LRRC34: variants seen among roughly 807,000 people sequenced by gnomAD.
The protein encoded by LRRC34 is leucine rich repeat containing 34.
Under a neutral mutation model 48.5 loss-of-function variants are expected in LRRC34, and 44 were observed. The observed-to-expected ratio is 0.91, with a 90% CI of 0.71 to 1.17. The LOEUF (loss-of-function observed/expected upper bound fraction) is 1.17. Among genes scored for constraint, LRRC34 ranks in the 50% most tolerant of loss-of-function variants. The pLI, the probability that LRRC34 is intolerant of heterozygous loss-of-function variation, is 0.00. For missense variants in LRRC34, 502 were observed against 563.0 expected, an observed-to-expected ratio of 0.89 and a Z score of 1.10; for synonymous variants, 192 against 197.6, an observed-to-expected ratio of 0.97 and a Z score of 0.24.
At chr3:169,796,170 A>T (rs762623905) in intron 9 of LRRC34, 44 bp downstream of exon 9, 11 of 1,551,528 alleles carry the variant, frequency 7.1e-6, no homozygotes, top group South Asian at 6.3e-5. Context: ...GTATTTAAAA[A>T]TTTGCTTTTC....
Position 169,807,721 on chromosome 3 carries a change from C to CAA in LRRC34, c.258-14_258-13dup, listed in dbSNP as rs377198673. 0.015 allele frequency: 12,882 copies of CAA among 878,282 alleles called. 116 individuals are homozygous for CAA. The highest frequency in any genetic ancestry group is 0.064 in the African/African-American group (2,240 of 34,824). The allele number at this position is 878,282 out of a possible 1,614,324, so 54.4% of individuals were successfully genotyped here. On this transcript the variant is annotated splice_polypyrimidine_tract_variant and intron_variant, in intron 2 of 10. Transcript: ENST00000446859. ...TTCCTGCTGCTAGCCTGTTAAAATACAAAAAAAAAAAAAAAAAAAAAAGAT... is the reference window on the plus strand; with the variant it reads ...TTCCTGCTGCTAGCCTGTTAAAATACAAAAAAAAAAAAAAAAAAAAAAAAGAT...
chr3:169,797,006 G>A, intron 7 of LRRC34, 107 bp from the exon 8 acceptor site: 1 of 794,262 alleles, frequency 1.3e-6, no homozygotes, highest in Non-Finnish European at 1.8e-6. Flanking sequence ...GATTATATTG[G>A]TTAAAACTGT....
chr3:169,811,036 C>A (rs1779546609), intron 1 of LRRC34, among the ~76,000 whole-genome samples: 1 of 152,328 alleles, frequency 6.6e-6, no homozygotes, highest in East Asian at 1.9e-4. Context: ...CGCGCCACTG[C>A]ACTCCAGCCT....
intron 4 of LRRC34, 141 bp downstream of exon 4, chr3:169,807,285 G>A: frequency 1.3e-6 from 1 of 794,478 alleles, no homozygotes; most frequent in Non-Finnish European, 2.0e-6. Flanking sequence ...AATCCACAAT[G>A]GGTTTCCAGT....
In LRRC34 at chr3:169,796,369, G is replaced by A; in HGVS notation, c.909C>T (p.Cys303=). 6.3e-7 allele frequency: 1 copy of A among 1,596,392 alleles called. No homozygotes were observed. Among genetic ancestry groups the A allele is most frequent in the Non-Finnish European group, 8.5e-7 (1 of 1,175,466 alleles). Residue 303 remains cysteine, a splice_region_variant and synonymous_variant, in exon 9 of 11, where the codon TGC becomes TGT. Transcript: ENST00000446859. ...CCATTCCATCATGAGTTATTTTGTT[G>A]CTGGCAAAGGAAAAATAGTTATATT... The part of the protein sequence containing the change: ...NSSLRYLDVS[C]NKITHDGMVY...
chr3:169,806,845 T>TA lies in LRRC34; in HGVS notation c.528+2dup. On this transcript the variant is annotated splice_region_variant and intron_variant, in intron 5 of 10. Coordinates refer to ENST00000446859, the MANE Select transcript of LRRC34 (RefSeq NM_001172779.2). ...TGTTAGTTTGAAATACATAAATGCT[T>TA]ACATGTAGCACTTTAGCAATCAATT... 1 of 1,574,278 alleles carries TA rather than the reference T, an allele frequency of 6.4e-7. No individual in the cohort carries two copies. The highest frequency in any genetic ancestry group is 8.7e-7 in the Non-Finnish European group (1 of 1,148,518).
At chr3:169,799,659 A>C (rs1779120822) in intron 7 of LRRC34, among the ~76,000 whole-genome samples, 2 of 152,160 alleles carry the variant, frequency 1.3e-5, no homozygotes, top group Admixed American at 6.5e-5. Flanking sequence ...CTCATCTCAA[A>C]AAAGAAAAAT....
At position 169,812,214 on chromosome 3, in the gene LRRC34, C is replaced by T. The variant is rs949200030; in HGVS notation, c.139+196G>A. Among the ~76,000 whole-genome samples the T allele has an allele frequency of 6.6e-6, 1 of 151,742 alleles. No individual in the cohort carries two copies. Among genetic ancestry groups the T allele is most frequent in the Admixed American group, 6.6e-5 (1 of 15,238 alleles). On this transcript the variant is annotated intron_variant, in intron 1 of 10. Coordinates refer to ENST00000446859, the MANE Select transcript of LRRC34 (RefSeq NM_001172779.2). The surrounding 1 kb of genome is among the most constrained non-coding windows in gnomAD (Gnocchi z 4.3). ...CTCTCCTGCCCCCGGTCGCAAAGGG[C>T]GACCGGGGACTCTTCTCCTGCCCTC...
chr3:169,807,778 GTA>G, intron 2 of LRRC34, 69 bp from the exon 3 acceptor site: 2 of 1,414,682 alleles, frequency 1.4e-6, no homozygotes, highest in Non-Finnish European at 1.9e-6. Context: ...AGAAGTAAAA[GTA>G]TGTTTCCTTC....
At chr3:169,807,835 C>A in intron 2 of LRRC34, 126 bp from the exon 3 acceptor site, 2 of 1,141,044 alleles carry the variant, frequency 1.8e-6, no homozygotes, top group Non-Finnish European at 2.4e-6. Context: ...TGGAAGCAAG[C>A]ATATAATAAG....
Position 169,804,111 on chromosome 3 carries a change from G to A in LRRC34, c.599C>T (p.Ala200Val), listed in dbSNP as rs1481945504. 2 of 1,604,816 alleles carry A rather than the reference G, an allele frequency of 1.2e-6. No individual in the cohort carries two copies. Among genetic ancestry groups the A allele is most frequent in the South Asian group, 1.1e-5 (1 of 89,318 alleles). The change falls in exon 6 of 11, where the codon GCT (alanine) becomes GTT (valine). Residue 200 changes from alanine (A) to valine (V), a missense_variant. By Grantham distance (64) the Ala-to-Val change is moderately conservative (BLOSUM62 0). Coordinates refer to ENST00000446859, the MANE Select transcript of LRRC34 (RefSeq NM_001172779.2). ...KIENKGGMFF[A>V]AMLQINSSLE... ...TGATGAATTAATTTGCAGCATTGCA[G>A]CAAAAAACATTCCACCTTTATTTTC... is the stretch of plus-strand genomic sequence containing the variant.
At chr3:169,795,216 TAC>T in intron 10 of LRRC34, 1 of 187,942 alleles carries the variant, frequency 5.3e-6, no homozygotes. Flanking sequence ...GAAATTTTGC[TAC>T]ATCTGATCAA....
At position 169,807,914 on chromosome 3, in the gene LRRC34, T is replaced by G. The variant is rs568309383; in HGVS notation, c.258-205A>C. 1.1e-4 allele frequency: 59 copies of G among 559,602 alleles called. 1 individual carries two copies. In the South Asian group the frequency reaches 1.8e-3, roughly 17 times the overall value. The allele number at this position is 559,602 out of a possible 1,614,324, so 34.7% of individuals were successfully genotyped here. ...GAACATTCTGCAGACTGCAAAGTGC[T>G]TTAAAAGATTCCATATATTTAGCTC... On this transcript the variant is annotated intron_variant, in intron 2 of 10. Coordinates refer to ENST00000446859, the MANE Select transcript of LRRC34 (RefSeq NM_001172779.2).
At position 169,812,786 on chromosome 3, in the gene LRRC34, C is replaced by G. The variant is rs903633463; in HGVS notation, c.-238G>C. On this transcript the variant is annotated 5_prime_UTR_variant, in exon 1 of 11. Coordinates refer to ENST00000446859, the MANE Select transcript of LRRC34 (RefSeq NM_001172779.2). The surrounding 1 kb of genome is among the most constrained non-coding windows in gnomAD (Gnocchi z 4.3). ...GGAGTTCCCGAGGTTTGAGGGGCTC[C>G]GCTGCTGAGCTAGGGCTGGGGCTAC... 47 of 514,256 alleles carry G rather than the reference C, an allele frequency of 9.1e-5. No homozygotes were observed. In the Admixed American group the frequency reaches 1.1e-3, roughly 12 times the overall value. 31.9% of individuals were successfully genotyped at this position (514,256 alleles called of 1,614,324 possible). A position where few individuals can be genotyped will look rare whatever the true frequency, so the allele number is the denominator to read the frequency against.
chr3:169,796,471 AG>A, intron 8 of LRRC34, 102 bp from the exon 9 acceptor site: 1 of 1,323,212 alleles, frequency 7.6e-7, no homozygotes, highest in Non-Finnish European at 1.0e-6. Flanking sequence ...GTTTTAGTAA[AG>A]GTTTATTTTA....
chr3:169,809,886 AT>A (rs1779502254), intron 1 of LRRC34, among the ~76,000 whole-genome samples: 1 of 151,896 alleles, frequency 6.6e-6, no homozygotes, highest in Non-Finnish European at 1.5e-5. Context: ...AGCAAACAAA[AT>A]TTTCTTATAG....
chr3:169,805,450 T>G (rs1779337676), intron 5 of LRRC34, among the ~76,000 whole-genome samples: 1 of 152,232 alleles, frequency 6.6e-6, no homozygotes, highest in South Asian at 2.1e-4. Context: ...ATGTAAGATT[T>G]GCACATTGAA....
At position 169,807,674 on chromosome 3, in the gene LRRC34, T is replaced by C; in HGVS notation, c.293A>G (p.Asn98Ser). ...TCTTTCTACTGGCACTAAGCGATTG[T>C]TACCAGCAATGTTTAATGTGATTCC... ...AAGITLNIAG[N>S]NRLVPVERVT... Residue 98 changes from asparagine (N) to serine (S), a missense_variant, in exon 3 of 11, where the codon AAC becomes AGC. Asn to Ser is a conservative substitution (Grantham distance 46). Coordinates refer to ENST00000446859, the MANE Select transcript of LRRC34 (RefSeq NM_001172779.2). 1.2e-6 allele frequency: 2 copies of C among 1,605,994 alleles called. No homozygotes were observed. Among genetic ancestry groups the C allele is most frequent in the Middle Eastern group, 1.7e-4 (1 of 6,022 alleles).
chr3:169,793,862 ATATCAT>A lies in LRRC34; in HGVS notation c.1192-30_1192-25del, dbSNP rs1560594289. ...GCCTAGGATTTTTAGGAAAAAAACTATATCATTAAGAAAAAATGTATTCAATTTACA... is the reference window on the plus strand; with the variant it reads ...GCCTAGGATTTTTAGGAAAAAAACTATAAGAAAAAATGTATTCAATTTACA... On this transcript the variant is annotated intron_variant, in intron 10 of 10. Transcript: ENST00000446859. The A allele has an allele frequency of 2.0e-6, 3 of 1,525,962 alleles. No homozygotes were observed. In the East Asian group the frequency reaches 6.8e-5, roughly 35 times the overall value. The allele number at this position is 1,525,962 out of a possible 1,614,324, so 94.5% of individuals were successfully genotyped here.
Sources: allele counts gnomAD v4.1 joint callset (sites outside exome capture counted in the v4.1 genomes callset), GRCh38; gene constraint gnomAD v4.1.1; non-coding constraint Gnocchi (gnomAD v3.1); transcripts MANE v1.5; gene names NCBI Gene and HGNC (gene_info 2026-07-23, HGNC 2026-07-21).